Variants in SPC25 observed in about 807,000 individuals in gnomAD.
The protein encoded by SPC25 is kinetochore protein Spc25.
A neutral mutation model predicts 29.6 loss-of-function variants in SPC25; 22 were observed. That is an observed-to-expected ratio of 0.74 (90% CI 0.53 to 1.06). SPC25 has a LOEUF of 1.06. Ranked by LOEUF, SPC25 falls within the 50% of genes least tolerant of loss-of-function variation. SPC25 has a pLI of 0.00. For missense variants in SPC25, 230 were observed against 255.8 expected (o/e 0.90, Z 0.69); for synonymous variants, 91 against 90.4 (o/e 1.01, Z -0.04).
chr2:168,889,084 T>TATATATACATATATATAC (rs1690344699), intron 3 of SPC25, 142 bp downstream of exon 3: 2 of 126,862 alleles, frequency 1.6e-5, no homozygotes, highest in East Asian at 2.8e-4. Flanking sequence ...TATATATACA[T>TATATATACATATATATAC]ATATATACAC....
At chr2:168,870,033 A>G (rs1574356804), downstream of SPC25, among the ~76,000 whole-genome samples, 1 of 152,314 alleles carries the variant, frequency 6.6e-6, no homozygotes. Context: ...AACAGAACAG[A>G]GCCCTCAGAA....
chr2:168,870,400 C>T (rs1186979827), downstream of SPC25, among the ~76,000 whole-genome samples: 5 of 150,658 alleles, frequency 3.3e-5, no homozygotes, highest in Non-Finnish European at 7.4e-5. Context: ...CAAAAGAAAC[C>T]ACCATCAGAG....
In SPC25 at chr2:168,865,099, C is replaced by T. The variant is rs1689782471; in HGVS notation, n.419+8486G>A. 5 of 931,750 alleles carry T rather than the reference C, an allele frequency of 5.4e-6. No individual in the cohort carries two copies. The South Asian group carries it at 6.9e-5, about 13-fold the overall frequency. The allele number at this position is 931,750 out of a possible 1,614,324, so 57.7% of individuals were successfully genotyped here. A position where few individuals can be genotyped will look rare whatever the true frequency, so the allele number is the denominator to read the frequency against. On this transcript the variant is annotated intron_variant and non_coding_transcript_variant, in intron 4 of 4. Transcript: ENST00000479309. ...TGGATGGAGTTCTACCTGCATGTCACAGCACTTTGCATTCATGATTATTAG... is the reference window on the plus strand; with the variant it reads ...TGGATGGAGTTCTACCTGCATGTCATAGCACTTTGCATTCATGATTATTAG...
chr2:168,877,866 GC>G (rs1472488112), intron 3 of SPC25, among the ~76,000 whole-genome samples: 1 of 151,720 alleles, frequency 6.6e-6, no homozygotes, highest in African/African-American at 2.4e-5. Context: ...ACCACATCAC[GC>G]CTGGCTGATT....
chr2:168,875,210 T>C (rs745715218), intron 5 of SPC25, among the ~76,000 whole-genome samples: 29 of 152,136 alleles, frequency 1.9e-4, no homozygotes, highest in Admixed American at 6.6e-5. Flanking sequence ...AACAGATGCC[T>C]GAAACCGTAG....
chr2:168,889,205 G>T (rs750463299), intron 3 of SPC25, 21 bp downstream of exon 3: 1 of 1,603,748 alleles, frequency 6.2e-7, no homozygotes, highest in South Asian at 1.1e-5. Flanking sequence ...AAAACCCCAT[G>T]ATTTATACTT....
At position 168,863,497 on chromosome 2, in the gene SPC25, TTCTAC is replaced by T. The variant is rs1350539995; in HGVS notation, n.419+10083_419+10087del. On this transcript the variant is annotated intron_variant and non_coding_transcript_variant, in intron 4 of 4. Transcript: ENST00000479309. The stretch of plus-strand genomic sequence containing the variant: ...AGATGATCCTGAAGGGGGCAGATCT[TTCTAC>T]TTTTATGACAAGAGCCATGTTTCTT... 4 of 985,292 alleles carry T rather than the reference TTCTAC, an allele frequency of 4.1e-6. No individual in the cohort carries two copies. The East Asian group carries it at 4.5e-4, about 112-fold the overall frequency. 61.0% of individuals were successfully genotyped at this position (985,292 alleles called of 1,614,324 possible).
chr2:168,873,495 T>A, intron 6 of SPC25, 90 bp downstream of exon 6: 2 of 869,796 alleles, frequency 2.3e-6, no homozygotes, highest in Non-Finnish European at 3.8e-6. Context: ...TCTGGAGCTA[T>A]TACTTTCCTC....
downstream of SPC25, among the ~76,000 whole-genome samples, chr2:168,866,380 G>C (rs1689852567): frequency 6.6e-6 from 1 of 152,288 alleles, no homozygotes. Flanking sequence ...ATGGGGAAAG[G>C]ATTCCCTATT....
chr2:168,876,013 A>T (rs1414772238), intron 5 of SPC25, 59 bp downstream of exon 5: 4 of 954,406 alleles, frequency 4.2e-6, no homozygotes. Context: ...ATTTTCCTCT[A>T]CTTAAGAAAA....
intron 4 of SPC25, chr2:168,861,936 T>A (rs746094861): frequency 6.2e-7 from 1 of 1,608,788 alleles, no homozygotes; most frequent in Non-Finnish European, 8.5e-7. Flanking sequence ...CACAGCATAC[T>A]AATTACAGCT....
At chr2:168,873,482 G>C (rs911707277) in intron 6 of SPC25, 103 bp downstream of exon 6, 1 of 738,794 alleles carries the variant, frequency 1.4e-6, no homozygotes, top group East Asian at 2.6e-5. Flanking sequence ...GGAAGCAATA[G>C]AGTCTGGAGC....
intron 5 of SPC25, among the ~76,000 whole-genome samples, chr2:168,875,597 T>C (rs982015498): frequency 1.1e-4 from 17 of 152,090 alleles, no homozygotes. Flanking sequence ...CAGACCACGG[T>C]TGAACATGGG....
chr2:168,863,677 AGT>A, intron 4 of SPC25: 22 of 983,758 alleles, frequency 2.2e-5, no homozygotes, highest in Non-Finnish European at 2.7e-5. Context: ...GCTGTGAGTG[AGT>A]TAAACTTTTG....
chr2:168,877,219 T>C lies in SPC25; in HGVS notation c.346+19A>G. On this transcript the variant is annotated intron_variant, in intron 4 of 6. Transcript: ENST00000282074. ...CCACTTTCCATTTTAGATCAGTATG[T>C]TTATAAGAGGAAACTTACTTTCCTT... is the stretch of plus-strand genomic sequence containing the variant. 6.2e-7 allele frequency: 1 copy of C among 1,611,266 alleles called. No homozygotes were observed. The highest frequency in any genetic ancestry group is 1.3e-5 in the African/African-American group (1 of 74,838).
downstream of SPC25, among the ~76,000 whole-genome samples, chr2:168,870,544 G>A (rs374983309): frequency 5.8e-3 from 883 of 151,952 alleles, 5 homozygotes; most frequent in East Asian, 0.054. Flanking sequence ...AAAAGTGGGC[G>A]AAGGATATGA....
chr2:168,889,062 T>TAC lies in SPC25; in HGVS notation c.199+163_199+164insGT, dbSNP rs1319127138. On this transcript the variant is annotated intron_variant, in intron 3 of 6. Coordinates refer to ENST00000282074, the MANE Select transcript of SPC25 (RefSeq NM_020675.4). The stretch of plus-strand genomic sequence containing the variant: ...ATATATATACACATATATATACATA[T>TAC]ATATATACACATATATATACATATA... Among the ~76,000 whole-genome samples, 23 of 64,828 alleles carry TAC rather than the reference T, an allele frequency of 3.5e-4. 3 individuals carry two copies. The highest frequency in any genetic ancestry group is 7.9e-4 in the African/African-American group (18 of 22,756). 42.5% of individuals were successfully genotyped at this position (64,828 alleles called of 152,430 possible). A position where few individuals can be genotyped will look rare whatever the true frequency, so the allele number is the denominator to read the frequency against.
At position 168,874,401 on chromosome 2, in the gene SPC25, C is replaced by T. The variant is rs369282449; in HGVS notation, c.452-718G>A. On this transcript the variant is annotated intron_variant, in intron 5 of 6. Transcript: ENST00000282074. ...AGTATAGAGCTGAAAGAATTGAAAA[C>T]GGAGACTCAAGTAGATAACTGTATG... Among the ~76,000 whole-genome samples, 31 of 152,244 alleles carry T rather than the reference C, an allele frequency of 2.0e-4. No individual in the cohort carries two copies. In the East Asian group the frequency reaches 4.2e-3, roughly 21 times the overall value.
chr2:168,881,252 G>A (rs2105830403), intron 3 of SPC25, among the ~76,000 whole-genome samples: 1 of 152,182 alleles, frequency 6.6e-6, no homozygotes, highest in South Asian at 2.1e-4. Flanking sequence ...GTCACTCTCT[G>A]TACAAGTTCT....
Sources: gnomAD v4.1 joint callset for allele counts (sites outside exome capture counted in the v4.1 genomes callset) on GRCh38, gnomAD v4.1.1 for gene constraint, MANE v1.5 for transcripts, NCBI Gene and HGNC (gene_info 2026-07-23, HGNC 2026-07-21) for gene names.